Variants in CDK5RAP1 observed in about 807,000 individuals in gnomAD.
CDK5RAP1 encodes the protein CDK5RAP1 mitochondrial tRNA methylthiotransferase.
A neutral mutation model predicts 64.5 loss-of-function variants in CDK5RAP1; 62 were observed. The observed-to-expected ratio is 0.96, with a 90% CI of 0.78 to 1.19. CDK5RAP1 has a LOEUF of 1.19. Among genes scored for constraint, CDK5RAP1 ranks in the 50% most tolerant of loss-of-function variants. The pLI, the probability that CDK5RAP1 is intolerant of heterozygous loss-of-function variation, is 0.00. For missense variants in CDK5RAP1, 657 were observed against 735.0 expected (o/e 0.89, Z 1.23); for synonymous variants, 250 against 261.9 (o/e 0.95, Z 0.44).
intron 8 of CDK5RAP1, among the ~76,000 whole-genome samples, chr20:33,376,023 A>G (rs1206060540): frequency 1.3e-5 from 2 of 152,138 alleles, no homozygotes; most frequent in Non-Finnish European, 2.9e-5. Context: ...ATGCCCAGCT[A>G]ATTTTTTTAT....
At chr20:33,387,099 G>A (rs1434928934) in intron 6 of CDK5RAP1, among the ~76,000 whole-genome samples, 1 of 151,550 alleles carries the variant, frequency 6.6e-6, no homozygotes, top group Non-Finnish European at 1.5e-5. Flanking sequence ...CCCTATCTCT[G>A]TAAAAATTCA....
intron 12 of CDK5RAP1, among the ~76,000 whole-genome samples, chr20:33,363,019 C>A (rs1365210812): frequency 6.6e-6 from 1 of 152,198 alleles, no homozygotes; most frequent in African/African-American, 2.4e-5. Context: ...CAGACAGTAT[C>A]TTCCATGTTT....
At chr20:33,366,613 A>G (rs899574941) in intron 12 of CDK5RAP1, among the ~76,000 whole-genome samples, 2 of 152,242 alleles carry the variant, frequency 1.3e-5, no homozygotes, top group East Asian at 1.9e-4. Context: ...CTCCGTCTCA[A>G]AAAAAGAAAA....
At chr20:33,369,425 G>T (rs997158761) in intron 11 of CDK5RAP1, among the ~76,000 whole-genome samples, 1 of 151,980 alleles carries the variant, frequency 6.6e-6, no homozygotes, top group African/African-American at 2.4e-5. Context: ...AGAGCTTGCA[G>T]TGAGTCGAGA....
intron 11 of CDK5RAP1, among the ~76,000 whole-genome samples, chr20:33,369,470 G>A (rs140139485): frequency 0.023 from 3,427 of 147,318 alleles, 239 homozygotes; most frequent in Admixed American, 0.15. Context: ...GCAACAGAGC[G>A]AGACTGAGAC....
At chr20:33,395,575 G>A (rs1265800174) in intron 2 of CDK5RAP1, among the ~76,000 whole-genome samples, 1 of 152,014 alleles carries the variant, frequency 6.6e-6, no homozygotes, top group Non-Finnish European at 1.5e-5. Context: ...ACTCAGCCTG[G>A]GCAATAGAGT....
chr20:33,362,238 C>G (rs986815148), intron 12 of CDK5RAP1, among the ~76,000 whole-genome samples: 1 of 152,048 alleles, frequency 6.6e-6, no homozygotes, highest in African/African-American at 2.4e-5. Context: ...ACATCAAATT[C>G]CTAAAAACAG....
chr20:33,399,881 T>TA (rs1989240325), intron 1 of CDK5RAP1, among the ~76,000 whole-genome samples: 1 of 151,748 alleles, frequency 6.6e-6, no homozygotes, highest in South Asian at 2.1e-4. Context: ...TACAACAAAT[T>TA]AAAAAATAAA....
chr20:33,393,393 T>C (rs979357600), intron 4 of CDK5RAP1, among the ~76,000 whole-genome samples: 5 of 152,018 alleles, frequency 3.3e-5, no homozygotes, highest in African/African-American at 7.3e-5. Context: ...TTGGAGCTAT[T>C]TGTTCATCTA....
chr20:33,365,597 TAAAAAAAAAAAA>T (rs11471267), intron 12 of CDK5RAP1, among the ~76,000 whole-genome samples: 6 of 78,342 alleles, frequency 7.7e-5, no homozygotes, highest in Admixed American at 4.8e-4. Context: ...CTCTATAATG[TAAAAAAAAAAAA>T]AAAAAAAAAA....
At chr20:33,392,613 CAGACTTACGGAAGGT>C (rs1419266887) in intron 4 of CDK5RAP1, among the ~76,000 whole-genome samples, 4 of 152,098 alleles carry the variant, frequency 2.6e-5, no homozygotes. Context: ...ATCTGCCATT[CAGACTTACGGAAGGT>C]AGGTAGGGGG....
At chr20:33,361,352 G>A (rs990859361) in intron 12 of CDK5RAP1, among the ~76,000 whole-genome samples, 1 of 152,122 alleles carries the variant, frequency 6.6e-6, no homozygotes, top group African/African-American at 2.4e-5. Flanking sequence ...GGAGCAAAGC[G>A]GAAAAAGAAT....
chr20:33,387,723 A>C (rs1987639118), intron 5 of CDK5RAP1, among the ~76,000 whole-genome samples, 190 bp from the exon 6 acceptor site: 1 of 152,126 alleles, frequency 6.6e-6, no homozygotes, highest in South Asian at 2.1e-4. Flanking sequence ...CCTATATAAG[A>C]AAACCACAGA....
Position 33,397,054 on chromosome 20 carries a change from A to G in CDK5RAP1, c.11T>C (p.Leu4Ser), listed in dbSNP as rs1482548360. 7 of 1,609,798 alleles carry G rather than the reference A, an allele frequency of 4.3e-6. No homozygotes were observed. The African/African-American group carries it at 5.3e-5, about 12-fold the overall frequency. ...CCTCTGCACTTGGAGGACACACTGT[A>G]AAGGGTGCATGGCACTAAACAGCCC... MHP[L>S]QCVLQVQRSL... The change falls in exon 2 of 14, where the codon TTA becomes TCA. Residue 4 changes from leucine to serine, a missense_variant. Coordinates refer to ENST00000346416, the MANE Select transcript of CDK5RAP1 (RefSeq NM_016408.4).
At position 33,395,123 on chromosome 20, in the gene CDK5RAP1, T is replaced by TG. The variant is rs755881735; in HGVS notation, c.305-8dup. 1.0e-5 allele frequency: 16 copies of TG among 1,561,830 alleles called. No individual in the cohort carries two copies. In the South Asian group the frequency reaches 1.4e-4, roughly 14 times the overall value. The stretch of plus-strand genomic sequence containing the variant: ...CCATAGGTCTCGAGGTAGACTGCAG[T>TG]GAGAGGTTGGGGGGAATCCATGGTA... On this transcript the variant is annotated splice_region_variant and splice_polypyrimidine_tract_variant and intron_variant, in intron 2 of 13. Transcript: ENST00000346416.
At chr20:33,370,076 A>C (rs1289494855) in intron 11 of CDK5RAP1, among the ~76,000 whole-genome samples, 4 of 152,148 alleles carry the variant, frequency 2.6e-5, no homozygotes, top group Admixed American at 6.5e-5. Context: ...CCTCCAAGTG[A>C]GTTCACTTGC....
At chr20:33,365,361 TC>T (rs1238136896) in intron 12 of CDK5RAP1, among the ~76,000 whole-genome samples, 2 of 151,826 alleles carry the variant, frequency 1.3e-5, no homozygotes, top group Non-Finnish European at 2.9e-5. Flanking sequence ...AACCTCCGCC[TC>T]CCAGGTTCAA....
At chr20:33,381,749 T>G (rs1986777206) in intron 7 of CDK5RAP1, among the ~76,000 whole-genome samples, 1 of 152,052 alleles carries the variant, frequency 6.6e-6, no homozygotes, top group East Asian at 1.9e-4. Flanking sequence ...CTTTATAACA[T>G]TTTTTTCCCT....
At chr20:33,374,605 C>G (rs1234344544) in intron 8 of CDK5RAP1, among the ~76,000 whole-genome samples, 1 of 151,654 alleles carries the variant, frequency 6.6e-6, no homozygotes, top group African/African-American at 2.4e-5. Context: ...ACTCCATTGC[C>G]CAGGCTGGAG....
Sources: allele counts gnomAD v4.1 joint callset (sites outside exome capture counted in the v4.1 genomes callset), GRCh38; gene constraint gnomAD v4.1.1; transcripts MANE v1.5; gene names NCBI Gene and HGNC (gene_info 2026-07-23, HGNC 2026-07-21).